The following NUP153 variants were observed in gnomAD, a reference collection of about 807,000 sequenced individuals.
NUP153 encodes the protein nuclear pore complex protein Nup153.
NUP153 carries 27 observed loss-of-function variants against 134.6 expected under a neutral mutation model. The ratio of observed to expected loss-of-function variants is 0.20; its 90% confidence interval spans 0.15 to 0.28. NUP153 has a LOEUF of 0.28. Among genes scored for constraint, NUP153 ranks in the 10% least tolerant of loss-of-function variants. The pLI, the probability that NUP153 is intolerant of heterozygous loss-of-function variation, is 1.00. For missense variants in NUP153, 1,821 were observed against 1,731.3 expected, an observed-to-expected ratio of 1.05 and a Z score of -0.92; for synonymous variants, 640 against 623.5, an observed-to-expected ratio of 1.03 and a Z score of -0.40.
At chr6:17,616,270 A>AGGG in intron 21 of NUP153, 89 bp from the exon 22 acceptor site, 1 of 327,158 alleles carries the variant, frequency 3.1e-6, no homozygotes, top group South Asian at 4.1e-5. Flanking sequence ...CACAAGGGTA[A>AGGG]GGGGGGTCGG....
At chr6:17,646,373 A>G (rs112445506) in intron 13 of NUP153, among the ~76,000 whole-genome samples, 2,937 of 151,916 alleles carry the variant, frequency 0.019, 96 homozygotes, top group African/African-American at 0.067. Context: ...ACACCCGGCT[A>G]ATTTTTTGTA....
chr6:17,690,270 T>TGAACCCGGGTGGCATAGCTTGCAGTGA (rs1554146523), intron 1 of NUP153, among the ~76,000 whole-genome samples: 17 of 151,404 alleles, frequency 1.1e-4, no homozygotes, highest in Non-Finnish European at 2.2e-4. Flanking sequence ...GAGAATGGCG[T>TGAACCCGGGTGGCATAGCTTGCAGTGA]GAACCCGGGT....
intron 20 of NUP153, among the ~76,000 whole-genome samples, chr6:17,621,154 A>C (rs771839990): frequency 6.6e-6 from 1 of 152,172 alleles, no homozygotes; most frequent in Non-Finnish European, 1.5e-5. Flanking sequence ...GCAAATCAAA[A>C]CCACAATGAG....
Position 17,649,205 on chromosome 6 carries a change from G to A in NUP153, c.1491C>T (p.Ser497=), listed in dbSNP as rs546641882. Residue 497 remains serine (S), a synonymous_variant, in exon 12 of 22, where the codon TCC becomes TCT. Transcript: ENST00000262077. Reference sequence around the variant, plus strand: ...GAGACGAATTGATGGGTGATGGAGAGGAAGTTGTGATCTCAGGGGAACTAA... The same window carrying A: ...GAGACGAATTGATGGGTGATGGAGAAGAAGTTGTGATCTCAGGGGAACTAA... ...FNFSSPEITT[S]SPSPINSSQA... 160 of 1,613,894 alleles carry A rather than the reference G, an allele frequency of 9.9e-5. 2 individuals are homozygous for A. The South Asian group carries it at 1.7e-3, about 17-fold the overall frequency.
At chr6:17,693,835 G>A (rs1435923240) in intron 1 of NUP153, among the ~76,000 whole-genome samples, 3 of 152,116 alleles carry the variant, frequency 2.0e-5, no homozygotes, top group Admixed American at 1.3e-4. Flanking sequence ...GCAGTGAGCT[G>A]AGATCGTGCC....
rs553555478 is a variant in NUP153, at chr6:17,656,833, T to C, written c.1395+4820A>G. ...GCACAGTTGTCTCTTCATGCCTCTT[T>C]ATGGGCCACATGTGCAAATTCTGGA... is the stretch of plus-strand genomic sequence containing the variant. On this transcript the variant is annotated intron_variant, in intron 11 of 21. Transcript: ENST00000262077. Among the ~76,000 whole-genome samples, 6 of 152,286 alleles carry C rather than the reference T, an allele frequency of 3.9e-5. No homozygotes were observed. In the East Asian group the frequency reaches 1.2e-3, roughly 29 times the overall value.
intron 18 of NUP153, among the ~76,000 whole-genome samples, chr6:17,627,335 C>CA (rs1349536056): frequency 2.6e-5 from 4 of 152,060 alleles, no homozygotes; most frequent in African/African-American, 9.7e-5. Flanking sequence ...ATATAACAGA[C>CA]AAAAAACTGC....
chr6:17,652,231 A>G (rs891017024), intron 11 of NUP153, among the ~76,000 whole-genome samples: 1 of 151,542 alleles, frequency 6.6e-6, no homozygotes, highest in African/African-American at 2.4e-5. Flanking sequence ...ACTATACCCA[A>G]CAACTACAGA....
chr6:17,663,091 C>G (rs1025878251), intron 9 of NUP153, among the ~76,000 whole-genome samples: 2 of 151,870 alleles, frequency 1.3e-5, no homozygotes, highest in Non-Finnish European at 2.9e-5. Flanking sequence ...TGGGTTTGAC[C>G]ACTGCTATGC....
At position 17,706,740 on chromosome 6, in the gene NUP153, G is replaced by A; in HGVS notation, c.-353C>T. ...CTGAGGCCTAACTCGACCGCCGACT[G>A]GTGGGAGTTCTTCCGTCGCCCTAGC... On this transcript the variant is annotated 5_prime_UTR_variant, in exon 1 of 22. Coordinates refer to ENST00000262077, the MANE Select transcript of NUP153 (RefSeq NM_005124.4). This position sits in a 1 kb window ranked among gnomAD's most constrained non-coding sequence, Gnocchi z 5.9. The A allele has an allele frequency of 4.0e-6, 1 of 247,940 alleles. No individual in the cohort carries two copies. Among genetic ancestry groups the A allele is most frequent in the Non-Finnish European group, 7.8e-6 (1 of 127,458 alleles). The allele number at this position is 247,940 out of a possible 1,614,324, so 15.4% of individuals were successfully genotyped here. A position where few individuals can be genotyped will look rare whatever the true frequency, so the allele number is the denominator to read the frequency against.
intron 11 of NUP153, among the ~76,000 whole-genome samples, chr6:17,660,116 A>ATT (rs1491395014): frequency 6.6e-6 from 1 of 152,210 alleles, no homozygotes; most frequent in African/African-American, 2.4e-5. Flanking sequence ...TAGGAAAAGC[A>ATT]TAGTTAAAAG....
In NUP153 at chr6:17,625,755, C is replaced by G; in HGVS notation, c.3901+53G>C. 1 of 1,353,462 alleles carries G rather than the reference C, an allele frequency of 7.4e-7. No individual in the cohort carries two copies. The highest frequency in any genetic ancestry group is 1.0e-6 in the Non-Finnish European group (1 of 954,418). The allele number at this position is 1,353,462 out of a possible 1,614,324, so 83.8% of individuals were successfully genotyped here. A position where few individuals can be genotyped will look rare whatever the true frequency, so the allele number is the denominator to read the frequency against. Reference sequence around the variant, plus strand: ...ATGATATTCGCTAAGAACTGACACACTAATAAGTAAAGTCCATCCAATTAC... The same window carrying G: ...ATGATATTCGCTAAGAACTGACACAGTAATAAGTAAAGTCCATCCAATTAC... On this transcript the variant is annotated intron_variant, in intron 19 of 21. Transcript: ENST00000262077. This position sits in a 1 kb window ranked among gnomAD's most constrained non-coding sequence, Gnocchi z 4.7.
chr6:17,664,712 C>T (rs1581726256), intron 9 of NUP153, among the ~76,000 whole-genome samples: 1 of 152,200 alleles, frequency 6.6e-6, no homozygotes, highest in Middle Eastern at 3.4e-3. Flanking sequence ...GTAACCTAAA[C>T]AATGGGTACA....
chr6:17,666,787 G>A (rs1052978088), intron 8 of NUP153, among the ~76,000 whole-genome samples: 15 of 152,182 alleles, frequency 9.9e-5, no homozygotes, highest in African/African-American at 3.1e-4. Context: ...TATAAAGCCA[G>A]AAGCTTCTAA....
chr6:17,690,758 A>C (rs1031970302), intron 1 of NUP153, among the ~76,000 whole-genome samples: 2 of 152,138 alleles, frequency 1.3e-5, no homozygotes, highest in African/African-American at 4.8e-5. Flanking sequence ...TAGAAGGGAA[A>C]CTCAAGACAG....
intron 1 of NUP153, among the ~76,000 whole-genome samples, chr6:17,701,841 GGGGAA>G (rs1561916872): frequency 9.7e-6 from 1 of 103,180 alleles, no homozygotes; most frequent in Non-Finnish European, 2.1e-5. Context: ...TCGGGGGGGG[GGGGAA>G]AAAAGCTAAA....
At chr6:17,648,126 A>G (rs911660606) in intron 12 of NUP153, among the ~76,000 whole-genome samples, 3 of 152,216 alleles carry the variant, frequency 2.0e-5, no homozygotes, top group Admixed American at 6.5e-5. Context: ...TATTTGTATA[A>G]AAAAGTAAAG....
At position 17,637,608 on chromosome 6, in the gene NUP153, T is replaced by C; in HGVS notation, c.2009A>G (p.Gln670Arg). Residue 670 changes from glutamine to arginine, a missense_variant, in exon 16 of 22, where the codon CAG becomes CGG. Physicochemically the swap from Gln to Arg is conservative, Grantham distance 43. Transcript: ENST00000262077. ...SSWQCDTCLL[Q>R]NKVTDNKCIA... The stretch of plus-strand genomic sequence containing the variant: ...GCATTTGTTGTCTGTAACTTTGTTC[T>C]GGAGTAGACATGTATCACACTGCCA... 4.3e-6 allele frequency: 7 copies of C among 1,614,172 alleles called. No individual in the cohort carries two copies. Among genetic ancestry groups the C allele is most frequent in the Non-Finnish European group, 5.9e-6 (7 of 1,180,038 alleles).
chr6:17,672,790 G>T (rs1054884133), intron 5 of NUP153, among the ~76,000 whole-genome samples: 1 of 152,124 alleles, frequency 6.6e-6, no homozygotes, highest in Non-Finnish European at 1.5e-5. Context: ...ATCAGCCTGA[G>T]CAACGTAGTA....
Sources: gnomAD v4.1 joint callset for allele counts (sites outside exome capture counted in the v4.1 genomes callset) on GRCh38, gnomAD v4.1.1 for gene constraint, Gnocchi (gnomAD v3.1) non-coding constraint, MANE v1.5 for transcripts, NCBI Gene and HGNC (gene_info 2026-07-23, HGNC 2026-07-21) for gene names.